KCNH7: variants seen among roughly 807,000 people sequenced by gnomAD.
KCNH7 encodes the protein potassium voltage-gated channel subfamily H member 7.
In KCNH7, 49 loss-of-function variants were observed where a neutral mutation model predicts 120.8. The observed-to-expected ratio is 0.41, with a 90% CI of 0.32 to 0.51. The LOEUF is 0.51. Among genes scored for constraint, KCNH7 ranks in the 20% least tolerant of loss-of-function variants. The pLI is 0.38. For missense variants in KCNH7, 1,097 were observed against 1,446.6 expected (o/e 0.76, Z 3.92); for synonymous variants, 547 against 516.1 (o/e 1.06, Z -0.81).
chr2:162,375,905 A>G lies in KCNH7; in HGVS notation c.3132-2243T>C, dbSNP rs1015059252. The stretch of plus-strand genomic sequence containing the variant: ...GAGCCAGACCCTATCTAAAAAAAAA[A>G]AAAAAAGAAAAAAAAGAGGACTCTT... On this transcript the variant is annotated intron_variant, in intron 14 of 15. Transcript: ENST00000332142. Among the ~76,000 whole-genome samples the G allele has an allele frequency of 1.2e-4, 18 of 151,862 alleles. No individual in the cohort carries two copies. The East Asian group carries it at 2.3e-3, about 20-fold the overall frequency.
intron 2 of KCNH7, among the ~76,000 whole-genome samples, chr2:162,588,661 A>G (rs1052987439): frequency 6.6e-6 from 1 of 152,122 alleles, no homozygotes. Context: ...GTTTTGATAA[A>G]TATAATGTAT....
At chr2:162,776,856 A>G (rs1230886198) in intron 2 of KCNH7, among the ~76,000 whole-genome samples, 8 of 152,178 alleles carry the variant, frequency 5.3e-5, no homozygotes, top group Non-Finnish European at 1.2e-4. Context: ...GAAGATGAAC[A>G]TGAAGTAACT....
intron 9 of KCNH7, among the ~76,000 whole-genome samples, chr2:162,412,667 A>G (rs1241065398): frequency 3.3e-5 from 5 of 152,182 alleles, no homozygotes; most frequent in African/African-American, 1.2e-4. Flanking sequence ...ATCATCTATG[A>G]CAGGCCAATC....
rs555984089 is a variant in KCNH7 at position 162,778,568 on chromosome 2, C to T, written c.307+57969G>A. On this transcript the variant is annotated intron_variant, in intron 2 of 15. Coordinates refer to ENST00000332142, the MANE Select transcript of KCNH7 (RefSeq NM_033272.4). ...TCTTATTATCAGTGCCTGCACAGAA[C>T]CTGGCACACGGTAGATAAGCATTGA... Among the ~76,000 whole-genome samples, 5 of 152,242 alleles carry T rather than the reference C, an allele frequency of 3.3e-5. No homozygotes were observed. The South Asian group carries it at 1.0e-3, about 32-fold the overall frequency.
intron 5 of KCNH7, among the ~76,000 whole-genome samples, chr2:162,507,146 G>A (rs1007966066): frequency 5.9e-5 from 9 of 151,830 alleles, no homozygotes; most frequent in African/African-American, 2.2e-4. Flanking sequence ...CATTTTGGAA[G>A]ATTATGTCAC....
At chr2:162,644,516 G>A (rs12469794) in intron 2 of KCNH7, among the ~76,000 whole-genome samples, 10 of 151,956 alleles carry the variant, frequency 6.6e-5, no homozygotes, top group East Asian at 1.9e-4. Flanking sequence ...TAACCAAAAC[G>A]GTACTTCAGT....
At chr2:162,728,701 C>G (rs988148087) in intron 2 of KCNH7, among the ~76,000 whole-genome samples, 3 of 152,100 alleles carry the variant, frequency 2.0e-5, no homozygotes, top group Non-Finnish European at 2.9e-5. Flanking sequence ...TAGCTTGAAC[C>G]CAGGAGGCAG....
chr2:162,633,468 T>C (rs775172363), intron 2 of KCNH7, among the ~76,000 whole-genome samples: 13 of 151,986 alleles, frequency 8.6e-5, no homozygotes, highest in African/African-American at 2.2e-4. Flanking sequence ...CACTGAAAGA[T>C]TGTGTAGATG....
intron 2 of KCNH7, among the ~76,000 whole-genome samples, chr2:162,584,111 T>C (rs562130564): frequency 6.6e-6 from 1 of 152,266 alleles, no homozygotes; most frequent in South Asian, 2.1e-4. Flanking sequence ...GCATGTGGAA[T>C]TGCTCTTACT....
chr2:162,429,663 T>C (rs1452289347), intron 8 of KCNH7, among the ~76,000 whole-genome samples: 1 of 150,756 alleles, frequency 6.6e-6, no homozygotes, highest in African/African-American at 2.5e-5. Flanking sequence ...AAGAAATCTA[T>C]CAACATTATC....
chr2:162,430,311 G>C (rs1310369499), intron 8 of KCNH7, among the ~76,000 whole-genome samples: 1 of 151,988 alleles, frequency 6.6e-6, no homozygotes, highest in Non-Finnish European at 1.5e-5. Context: ...TCTTTGCTGG[G>C]TTTTTGGGAG....
intron 14 of KCNH7, among the ~76,000 whole-genome samples, chr2:162,378,744 G>A (rs566088316): frequency 4.6e-5 from 7 of 152,260 alleles, no homozygotes; most frequent in South Asian, 2.1e-4. Flanking sequence ...CAGTATCATC[G>A]CATCTTGGCT....
intron 2 of KCNH7, among the ~76,000 whole-genome samples, chr2:162,771,372 C>G (rs769289663): frequency 9.2e-5 from 14 of 151,960 alleles, no homozygotes; most frequent in Non-Finnish European, 2.1e-4. Flanking sequence ...TCTATATTTA[C>G]TCTGTTTCCC....
At chr2:162,689,489 C>CAGT (rs1161069095) in intron 2 of KCNH7, among the ~76,000 whole-genome samples, 1 of 152,046 alleles carries the variant, frequency 6.6e-6, no homozygotes, top group Non-Finnish European at 1.5e-5. Flanking sequence ...GTCTCTCATT[C>CAGT]AGTAGCACAG....
intron 2 of KCNH7, among the ~76,000 whole-genome samples, chr2:162,788,221 T>G (rs1206577274): frequency 6.6e-6 from 1 of 152,220 alleles, no homozygotes; most frequent in Non-Finnish European, 1.5e-5. Context: ...TATGACTTTT[T>G]TACTTTACAA....
At chr2:162,724,046 G>T (rs1227056376) in intron 2 of KCNH7, among the ~76,000 whole-genome samples, 2 of 151,698 alleles carry the variant, frequency 1.3e-5, no homozygotes, top group Non-Finnish European at 2.9e-5. Flanking sequence ...AACAACTTTG[G>T]AGTAACAGGT....
intron 2 of KCNH7, among the ~76,000 whole-genome samples, chr2:162,556,751 T>C (rs1692871856): frequency 6.6e-6 from 1 of 152,212 alleles, no homozygotes; most frequent in Admixed American, 6.5e-5. Flanking sequence ...ATAGATTTCA[T>C]CTTTTCTGAA....
chr2:162,833,086 C>T (rs751852858), intron 2 of KCNH7, among the ~76,000 whole-genome samples: 2 of 152,058 alleles, frequency 1.3e-5, no homozygotes, highest in Non-Finnish European at 2.9e-5. Context: ...TCATCCTTTC[C>T]TACTGAGTAA....
At chr2:162,741,261 T>A (rs573340361) in intron 2 of KCNH7, among the ~76,000 whole-genome samples, 1 of 149,630 alleles carries the variant, frequency 6.7e-6, no homozygotes, top group South Asian at 2.1e-4. Context: ...TAGTTATACA[T>A]ATTAATAACA....
Sources: allele counts gnomAD v4.1 joint callset (sites outside exome capture counted in the v4.1 genomes callset), GRCh38; gene constraint gnomAD v4.1.1; transcripts MANE v1.5; gene names NCBI Gene and HGNC (gene_info 2026-07-23, HGNC 2026-07-21).